NALF1: variants seen among roughly 807,000 people sequenced by gnomAD.
The protein encoded by NALF1 is NALCN channel auxiliary factor 1, also known as family with sequence similarity 155 member A.
Under a neutral mutation model 48.4 loss-of-function variants are expected in NALF1, and 3 were observed. That is an observed-to-expected ratio of 0.06 (90% CI 0.03 to 0.16). NALF1 has a LOEUF of 0.16. Among genes scored for constraint, NALF1 ranks in the 10% least tolerant of loss-of-function variants. The pLI is 1.00. For missense variants in NALF1, 526 were observed against 571.5 expected, an observed-to-expected ratio of 0.92 and a Z score of 0.81; for synonymous variants, 262 against 245.7, an observed-to-expected ratio of 1.07 and a Z score of -0.62.
chr13:107,863,877 A>G (rs1880642098), intron 1 of NALF1, among the ~76,000 whole-genome samples: 1 of 152,202 alleles, frequency 6.6e-6, no homozygotes, highest in African/African-American at 2.4e-5. Flanking sequence ...GCTGCAGTCT[A>G]TTGTCAATAC....
chr13:107,311,313 A>G (rs1486355245), intron 1 of NALF1, among the ~76,000 whole-genome samples: 1 of 152,198 alleles, frequency 6.6e-6, no homozygotes, highest in Middle Eastern at 3.2e-3. Flanking sequence ...TTAAACTACC[A>G]TTAAAACTGT....
chr13:107,446,130 G>A (rs1033863878), intron 1 of NALF1, among the ~76,000 whole-genome samples: 1 of 152,050 alleles, frequency 6.6e-6, no homozygotes, highest in Non-Finnish European at 1.5e-5. Flanking sequence ...GTAGAGACAA[G>A]GTTTCACCAT....
chr13:107,673,018 G>A (rs955731271), intron 1 of NALF1, among the ~76,000 whole-genome samples: 5 of 152,044 alleles, frequency 3.3e-5, no homozygotes, highest in African/African-American at 1.2e-4. Flanking sequence ...TAACTCAAGA[G>A]TGTCAACAGC....
intron 1 of NALF1, among the ~76,000 whole-genome samples, chr13:107,341,161 T>C (rs1262035585): frequency 1.3e-5 from 2 of 151,744 alleles, no homozygotes; most frequent in South Asian, 2.1e-4. Flanking sequence ...ACTCTATCAA[T>C]TGACAAACAC....
chr13:107,215,906 C>T (rs1427293319), intron 1 of NALF1, among the ~76,000 whole-genome samples: 1 of 152,118 alleles, frequency 6.6e-6, no homozygotes, highest in Non-Finnish European at 1.5e-5. Context: ...CTCCAAAATC[C>T]ATCTCTCTAT....
At chr13:107,538,448 A>C (rs1324098222) in intron 1 of NALF1, among the ~76,000 whole-genome samples, 1 of 152,190 alleles carries the variant, frequency 6.6e-6, no homozygotes, top group African/African-American at 2.4e-5. Flanking sequence ...TTCTTATGTT[A>C]AAGGTGAAAC....
intron 1 of NALF1, among the ~76,000 whole-genome samples, chr13:107,467,596 G>T (rs1331594417): frequency 2.0e-5 from 3 of 151,972 alleles, no homozygotes; most frequent in Non-Finnish European, 4.4e-5. Context: ...AATTTTTTAT[G>T]ATTAATAAAA....
intron 1 of NALF1, among the ~76,000 whole-genome samples, chr13:107,718,408 C>G (rs1875884687): frequency 6.6e-6 from 1 of 152,218 alleles, no homozygotes; most frequent in Non-Finnish European, 1.5e-5. Context: ...TCTCATCCCA[C>G]TTCCTCCCCA....
At chr13:107,202,703 C>G (rs1297939997) in intron 2 of NALF1, among the ~76,000 whole-genome samples, 1 of 152,136 alleles carries the variant, frequency 6.6e-6, no homozygotes, top group African/African-American at 2.4e-5. Flanking sequence ...GTTGAGAAAT[C>G]AGGACATGTT....
intron 1 of NALF1, among the ~76,000 whole-genome samples, chr13:107,434,376 T>C (rs1010187420): frequency 3.9e-5 from 6 of 152,174 alleles, no homozygotes; most frequent in African/African-American, 1.2e-4. Flanking sequence ...CTTTTCTCTA[T>C]CTATCCATAA....
At chr13:107,425,292 T>C (rs1884260537) in intron 1 of NALF1, among the ~76,000 whole-genome samples, 2 of 152,148 alleles carry the variant, frequency 1.3e-5, no homozygotes, top group Admixed American at 1.3e-4. Context: ...AGTGCGTTTC[T>C]AAAGAGAAAA....
chr13:107,545,749 C>T (rs780588917), intron 1 of NALF1, among the ~76,000 whole-genome samples: 1 of 152,012 alleles, frequency 6.6e-6, no homozygotes, highest in African/African-American at 2.4e-5. Context: ...GGGGTGGAAA[C>T]AGGCAAGATA....
chr13:107,782,812 C>T (rs1476759977), intron 1 of NALF1, among the ~76,000 whole-genome samples: 2 of 151,516 alleles, frequency 1.3e-5, no homozygotes, highest in Non-Finnish European at 2.9e-5. Flanking sequence ...AGCCCCTCCG[C>T]TTGGCAACCG....
intron 1 of NALF1, among the ~76,000 whole-genome samples, chr13:107,424,216 C>T (rs1256201994): frequency 2.0e-5 from 3 of 152,144 alleles, no homozygotes; most frequent in East Asian, 1.9e-4. Context: ...CAGTTCACTG[C>T]AATCTCCACC....
At chr13:107,544,444 C>G (rs1227900425) in intron 1 of NALF1, among the ~76,000 whole-genome samples, 1 of 152,076 alleles carries the variant, frequency 6.6e-6, no homozygotes. Context: ...TGCAATTTTG[C>G]CCAACTCTTT....
At chr13:107,471,973 T>C (rs744134) in intron 1 of NALF1, among the ~76,000 whole-genome samples, 41,187 of 152,158 alleles carry the variant, frequency 0.27, 6,598 homozygotes, top group Middle Eastern at 0.41. Context: ...CCCTGTGAAC[T>C]TACCAACAGT....
Position 107,790,385 on chromosome 13 carries a change from CAA to C in NALF1, c.915+75295_915+75296del, listed in dbSNP as rs548605321. Among the ~76,000 whole-genome samples the C allele has an allele frequency of 3.2e-3, 490 of 152,132 alleles. 1 individual carries two copies. The highest frequency in any genetic ancestry group is 6.1e-3 in the Non-Finnish European group (413 of 67,958). The stretch of plus-strand genomic sequence containing the variant: ...ATAAAGGGTGGATACTAAAATATTA[CAA>C]AGACTAATTTTATTTTGGAAGCTTA... On this transcript the variant is annotated intron_variant, in intron 1 of 2. Coordinates refer to ENST00000375915, the MANE Select transcript of NALF1 (RefSeq NM_001080396.3).
chr13:107,720,292 A>G (rs1875944665), intron 1 of NALF1, among the ~76,000 whole-genome samples: 1 of 152,164 alleles, frequency 6.6e-6, no homozygotes. Flanking sequence ...AGGGCAAACC[A>G]TGAGGTCAGG....
intron 1 of NALF1, among the ~76,000 whole-genome samples, chr13:107,587,884 C>T (rs867702305): frequency 1.2e-4 from 19 of 152,146 alleles, no homozygotes; most frequent in African/African-American, 4.3e-4. Context: ...GTAAACCACA[C>T]ATGGAGATGG....
Sources: gnomAD v4.1 joint callset for allele counts (sites outside exome capture counted in the v4.1 genomes callset) on GRCh38, gnomAD v4.1.1 for gene constraint, MANE v1.5 for transcripts, NCBI Gene and HGNC (gene_info 2026-07-23, HGNC 2026-07-21) for gene names.